Variants in TPGS1 observed in about 807,000 individuals in gnomAD.
The protein encoded by TPGS1 is tubulin polyglutamylase complex subunit 1.
A neutral mutation model predicts 11.9 loss-of-function variants in TPGS1; 18 were observed. The observed-to-expected ratio is 1.51, with a 90% CI of 1.04 to 2.24. The LOEUF (loss-of-function observed/expected upper bound fraction) is 2.24, where lower values mean the gene tolerates loss of function less well. TPGS1 is among the 30% of genes most tolerant of loss of function. The pLI is 0.00. For missense variants in TPGS1, 500 were observed against 443.0 expected (o/e 1.13, Z -1.16); for synonymous variants, 247 against 218.2 (o/e 1.13, Z -1.16).
At chr19:511,292 G>A (rs61432952) in intron 1 of TPGS1, among the ~76,000 whole-genome samples, 2,640 of 152,328 alleles carry the variant, frequency 0.017, 75 homozygotes, top group African/African-American at 0.06. Flanking sequence ...CCGCCCGGGA[G>A]CCCAGGAGGG....
At chr19:512,374 G>T (rs908145419) in intron 1 of TPGS1, among the ~76,000 whole-genome samples, 6 of 152,082 alleles carry the variant, frequency 3.9e-5, no homozygotes, top group African/African-American at 7.2e-5. Context: ...TGTTGCCCAG[G>T]CTGGTTTCGA....
chr19:512,774 G>C (rs1041834920), intron 1 of TPGS1, among the ~76,000 whole-genome samples: 5 of 152,360 alleles, frequency 3.3e-5, no homozygotes, highest in Admixed American at 6.5e-5. Flanking sequence ...CAGCCGGAAC[G>C]GGACTGCAGA....
intron 1 of TPGS1, 97 bp downstream of exon 1, chr19:507,941 C>G: frequency 1.0e-6 from 1 of 1,002,550 alleles, no homozygotes; most frequent in South Asian, 3.3e-5. Context: ...GGCGCAGGGG[C>G]CCGGGGCTTG....
At position 518,903 on chromosome 19, in the gene TPGS1, A is replaced by G; in HGVS notation, c.353A>G (p.Asn118Ser). Reference sequence around the variant, plus strand: ...CGTCTCCGCAGGGCCGCCTTCAACAACAACGTGAGCGTGGCCTACGAGTGC... The same window carrying G: ...CGTCTCCGCAGGGCCGCCTTCAACAGCAACGTGAGCGTGGCCTACGAGTGC... ...AHHSQRAAFNNNVSVAYECLS... is the reference protein window; with the variant it reads ...AHHSQRAAFNSNVSVAYECLS... Residue 118 changes from asparagine (N) to serine (S), a missense_variant, in exon 2 of 2, where the codon AAC becomes AGC. Transcript: ENST00000359315. The G allele has an allele frequency of 6.5e-7, 1 of 1,539,570 alleles. No individual in the cohort carries two copies. Among genetic ancestry groups the G allele is most frequent in the African/African-American group, 1.4e-5 (1 of 70,914 alleles).
At chr19:508,697 T>C (rs966909094) in intron 1 of TPGS1, 1 of 152,262 alleles carries the variant, frequency 6.6e-6, no homozygotes, top group African/African-American at 2.4e-5. Context: ...CAAGCAAAGG[T>C]GCCCTTTCAG....
At position 519,365 on chromosome 19, in the gene TPGS1, A is replaced by G; in HGVS notation, c.815A>G (p.Glu272Gly). Reference protein sequence around the residue: ...GRRPSAPMTREEFLERAAALF... With the variant: ...GRRPSAPMTRGEFLERAAALF... ...CGGCCCAGCGCGCCCATGACCCGCG[A>G]GGAGTTTCTGGAGAGGGCCGCCGCG... The change falls in exon 2 of 2, where the codon GAG becomes GGG. Residue 272 changes from glutamate (E) to glycine (G), a missense_variant. Glu to Gly is a moderately conservative substitution (Grantham distance 98, BLOSUM62 -2). Coordinates refer to ENST00000359315, the MANE Select transcript of TPGS1 (RefSeq NM_033513.3). 1 of 1,215,294 alleles carries G rather than the reference A, an allele frequency of 8.2e-7. No homozygotes were observed. The highest frequency in any genetic ancestry group is 1.0e-6 in the Non-Finnish European group (1 of 976,580). 75.3% of individuals were successfully genotyped at this position (1,215,294 alleles called of 1,614,324 possible).
chr19:516,458 C>T (rs184183813), intron 1 of TPGS1, among the ~76,000 whole-genome samples: 106 of 151,294 alleles, frequency 7.0e-4, no homozygotes, highest in African/African-American at 2.5e-3. Flanking sequence ...CATCTTGGCT[C>T]ACCGCAACCT....
chr19:519,088 G>C lies in TPGS1; in HGVS notation c.538G>C (p.Val180Leu). The C allele has an allele frequency of 6.5e-7, 1 of 1,532,816 alleles. No homozygotes were observed. Among genetic ancestry groups the C allele is most frequent in the Non-Finnish European group, 8.7e-7 (1 of 1,145,754 alleles). The allele number at this position is 1,532,816 out of a possible 1,614,324, so 95.0% of individuals were successfully genotyped here. A position where few individuals can be genotyped will look rare whatever the true frequency, so the allele number is the denominator to read the frequency against. ...TGACCACGAGGCGGTGCCGCTGAGC[G>C]TCTTCCGCGCGGGCACACTCACCTG... ...CRDHEAVPLS[V>L]FRAGTLTCFV... The change falls in exon 2 of 2, where the codon GTC becomes CTC. Residue 180 changes from valine to leucine, a missense_variant. Physicochemically the swap from Val to Leu is conservative, Grantham distance 32. Coordinates refer to ENST00000359315, the MANE Select transcript of TPGS1 (RefSeq NM_033513.3).
chr19:509,193 GC>G (rs1978715445), intron 1 of TPGS1: 1 of 152,228 alleles, frequency 6.6e-6, no homozygotes, highest in Non-Finnish European at 1.5e-5. Flanking sequence ...AGGGCACCTA[GC>G]CCAGAGAGCC....
At position 507,613 on chromosome 19, in the gene TPGS1, A is replaced by T; in HGVS notation, c.107A>T (p.Glu36Val). 7.2e-7 allele frequency: 1 copy of T among 1,397,582 alleles called. No individual in the cohort carries two copies. Among genetic ancestry groups the T allele is most frequent in the African/African-American group, 1.5e-5 (1 of 66,974 alleles). 86.6% of individuals were successfully genotyped at this position (1,397,582 alleles called of 1,614,324 possible). ...SRAAGAAESE[E>V]DFLRQVGVTE... ...GCGGCGGGGGCGGCCGAGAGCGAGG[A>T]GGACTTCCTGCGGCAGGTCGGCGTG... The change falls in exon 1 of 2, where the codon GAG becomes GTG. Residue 36 changes from glutamate to valine, a missense_variant. Transcript: ENST00000359315.
chr19:514,277 A>G (rs770204224), intron 1 of TPGS1, among the ~76,000 whole-genome samples: 1 of 150,438 alleles, frequency 6.6e-6, no homozygotes, highest in Non-Finnish European at 1.5e-5. Context: ...GCATTCACTG[A>G]GCACCTACTC....
At chr19:514,812 G>A (rs562279475) in intron 1 of TPGS1, among the ~76,000 whole-genome samples, 2 of 152,308 alleles carry the variant, frequency 1.3e-5, no homozygotes, top group East Asian at 1.9e-4. Flanking sequence ...GAACTGATGG[G>A]GGGAGTGAGG....
chr19:515,804 G>C (rs1438119519), intron 1 of TPGS1, among the ~76,000 whole-genome samples: 1 of 151,994 alleles, frequency 6.6e-6, no homozygotes, highest in African/African-American at 2.4e-5. Flanking sequence ...AGGCCGAGGC[G>C]GGTGGATCAC....
chr19:508,137 A>G (rs950726976), intron 1 of TPGS1: 1 of 314,546 alleles, frequency 3.2e-6, no homozygotes, highest in African/African-American at 2.1e-5. Flanking sequence ...ATGATTTTCA[A>G]AATCGTGCAG....
At chr19:511,177 C>T (rs1322766443) in intron 1 of TPGS1, among the ~76,000 whole-genome samples, 2 of 152,368 alleles carry the variant, frequency 1.3e-5, no homozygotes. Flanking sequence ...CAGAGGCCAC[C>T]GTCACAGGCA....
Position 507,754 on chromosome 19 carries a change from G to T in TPGS1, c.248G>T (p.Gly83Val). The T allele has an allele frequency of 1.4e-6, 2 of 1,397,056 alleles. 1 individual carries two copies. The allele number at this position is 1,397,056 out of a possible 1,614,324, so 86.5% of individuals were successfully genotyped here. ...GGCCTGCGCTCGCCTGTAAACGGCG[G>T]CGCCGGGGAGCCCCCGGGCCAGCTC... ...NMGLRSPVNG[G>V]AGEPPGQLLL... Residue 83 changes from glycine (G) to valine (V), a missense_variant, in exon 1 of 2, where the codon GGC becomes GTC. Physicochemically the swap from Gly to Val is moderately radical, Grantham distance 109 (BLOSUM62 -3). Coordinates refer to ENST00000359315, the MANE Select transcript of TPGS1 (RefSeq NM_033513.3).
intron 1 of TPGS1, chr19:508,976 C>G (rs1978708871): frequency 6.6e-6 from 1 of 152,328 alleles, no homozygotes; most frequent in African/African-American, 2.4e-5. Context: ...CCCAGAGGGT[C>G]AGTGGAGCCG....
chr19:519,282 C>A lies in TPGS1; in HGVS notation c.732C>A (p.Gly244=). The A allele has an allele frequency of 8.4e-7, 1 of 1,193,222 alleles. No individual in the cohort carries two copies. Among genetic ancestry groups the A allele is most frequent in the Non-Finnish European group, 1.0e-6 (1 of 964,654 alleles). The allele number at this position is 1,193,222 out of a possible 1,614,324, so 73.9% of individuals were successfully genotyped here. The part of the protein sequence containing the change: ...AAAPARFLEA[G]SRLGPDSLAL... ...CGCCCGCGCGCTTCCTGGAGGCCGG[C>A]TCGCGCTTGGGGCCCGACAGCCTGG... The change falls in exon 2 of 2, where the codon GGC becomes GGA. Residue 244 remains glycine (G), a synonymous_variant. Transcript: ENST00000359315.
chr19:518,206 A>G (rs1600405062), intron 1 of TPGS1, among the ~76,000 whole-genome samples: 1 of 9,610 alleles, frequency 1.0e-4, no homozygotes, highest in African/African-American at 5.1e-4. Context: ...GCCCAGGTTG[A>G]GTAGGGGCTG....
Sources: allele counts gnomAD v4.1 joint callset (sites outside exome capture counted in the v4.1 genomes callset), GRCh38; gene constraint gnomAD v4.1.1; transcripts MANE v1.5; gene names NCBI Gene and HGNC (gene_info 2026-07-23, HGNC 2026-07-21).